SLC24A2: variants seen among roughly 807,000 people sequenced by gnomAD.
The protein encoded by SLC24A2 is sodium/potassium/calcium exchanger 2.
Under a neutral mutation model 62.0 loss-of-function variants are expected in SLC24A2, and 36 were observed. That is an observed-to-expected ratio of 0.58 (90% CI 0.44 to 0.77). The LOEUF (loss-of-function observed/expected upper bound fraction) is 0.77, where lower values mean the gene tolerates loss of function less well. Ranked by LOEUF, SLC24A2 falls within the 30% of genes least tolerant of loss-of-function variation. The pLI is 0.00. For missense variants in SLC24A2, 846 were observed against 817.9 expected, an observed-to-expected ratio of 1.03 and a Z score of -0.42; for synonymous variants, 358 against 294.0, an observed-to-expected ratio of 1.22 and a Z score of -2.23.
the SLC24A2 span, among the ~76,000 whole-genome samples, chr9:20,238,307 A>G: frequency 6.6e-6 from 1 of 152,200 alleles, no homozygotes; most frequent in African/African-American, 2.4e-5. Flanking sequence ...ATGCATGATC[A>G]GGCACCTTTT....
intron 7 of SLC24A2, among the ~76,000 whole-genome samples, chr9:19,568,400 G>A (rs1207299900): frequency 2.0e-5 from 3 of 152,178 alleles, no homozygotes; most frequent in Non-Finnish European, 4.4e-5. Flanking sequence ...CGTTCATACT[G>A]CAGCTCATAC....
the SLC24A2 span, among the ~76,000 whole-genome samples, chr9:20,282,336 G>C: frequency 6.6e-6 from 1 of 152,050 alleles, no homozygotes; most frequent in Non-Finnish European, 1.5e-5. Flanking sequence ...TTGATCTCTG[G>C]CCAGAGAGTG....
the SLC24A2 span, among the ~76,000 whole-genome samples, chr9:20,038,465 G>C: frequency 1.5e-4 from 23 of 152,142 alleles, no homozygotes; most frequent in African/African-American, 5.1e-4. Context: ...CCTAAGCCTG[G>C]AAGCCTGACT....
chr9:20,261,990 G>T, the SLC24A2 span, among the ~76,000 whole-genome samples: 1 of 151,862 alleles, frequency 6.6e-6, no homozygotes, highest in Non-Finnish European at 1.5e-5. Flanking sequence ...CGCCTGCCTC[G>T]GCCTCCCAAA....
chr9:19,979,026 G>C, the SLC24A2 span, among the ~76,000 whole-genome samples: 1 of 152,174 alleles, frequency 6.6e-6, no homozygotes, highest in Non-Finnish European at 1.5e-5. Context: ...TCTTTTTTAA[G>C]TGGTAAATTA....
chr9:19,581,756 T>A (rs1453083059), intron 5 of SLC24A2, among the ~76,000 whole-genome samples: 1 of 152,206 alleles, frequency 6.6e-6, no homozygotes, highest in Non-Finnish European at 1.5e-5. Context: ...CAAATTGCCA[T>A]AAAGGGTGGC....
At chr9:19,623,398 C>G (rs1400254465) in intron 2 of SLC24A2, among the ~76,000 whole-genome samples, 1 of 152,120 alleles carries the variant, frequency 6.6e-6, no homozygotes, top group Admixed American at 6.5e-5. Flanking sequence ...AGTTTTAAAA[C>G]CTTCATGTGC....
At chr9:19,676,174 G>A (rs1234447240) in intron 2 of SLC24A2, among the ~76,000 whole-genome samples, 2 of 152,180 alleles carry the variant, frequency 1.3e-5, no homozygotes, top group African/African-American at 4.8e-5. Context: ...GTTCAGGGGT[G>A]GATGATCCCC....
At chr9:19,827,903 T>C in the SLC24A2 span, among the ~76,000 whole-genome samples, 152 of 152,326 alleles carry the variant, frequency 1.0e-3, 1 homozygote, top group Non-Finnish European at 1.9e-3. Flanking sequence ...TTCCATCAGC[T>C]GAGGCCCTTT....
chr9:20,277,632 A>G, the SLC24A2 span, among the ~76,000 whole-genome samples: 6 of 152,158 alleles, frequency 3.9e-5, no homozygotes, highest in Non-Finnish European at 8.8e-5. Flanking sequence ...CTTTTACACT[A>G]TTGGTGGGAC....
chr9:20,275,535 T>C, the SLC24A2 span, among the ~76,000 whole-genome samples: 1 of 152,210 alleles, frequency 6.6e-6, no homozygotes, highest in African/African-American at 2.4e-5. Flanking sequence ...ACATTCCTCT[T>C]CTTAGACACC....
chr9:20,090,916 T>C, the SLC24A2 span, among the ~76,000 whole-genome samples: 49 of 151,886 alleles, frequency 3.2e-4, no homozygotes, highest in Non-Finnish European at 6.5e-4. Flanking sequence ...ATCATTGAGA[T>C]TCAGGAGAAC....
chr9:20,005,463 C>CATTTCTCTGATGG, the SLC24A2 span, among the ~76,000 whole-genome samples: 7 of 151,814 alleles, frequency 4.6e-5, no homozygotes, highest in Non-Finnish European at 1.5e-5. Flanking sequence ...TGATATTGTA[C>CATTTCTCTGATGG]CCATTTTACA....
the SLC24A2 span, among the ~76,000 whole-genome samples, chr9:20,025,219 C>A: frequency 2.0e-5 from 3 of 152,254 alleles, no homozygotes; most frequent in East Asian, 5.8e-4. Context: ...TTGTGTCCTG[C>A]TGTTTGAAAA....
At chr9:19,803,874 C>T in the SLC24A2 span, among the ~76,000 whole-genome samples, 29 of 151,978 alleles carry the variant, frequency 1.9e-4, no homozygotes, top group African/African-American at 6.5e-4. Flanking sequence ...AATAAAATAA[C>T]TTAATTGAGA....
At chr9:19,689,985 C>A (rs893497314) in intron 2 of SLC24A2, among the ~76,000 whole-genome samples, 1 of 152,066 alleles carries the variant, frequency 6.6e-6, no homozygotes, top group Non-Finnish European at 1.5e-5. Context: ...AGAGCTGGAA[C>A]CTTGATCTTT....
the SLC24A2 span, among the ~76,000 whole-genome samples, chr9:20,001,456 C>T: frequency 6.6e-6 from 1 of 152,220 alleles, no homozygotes; most frequent in East Asian, 1.9e-4. Flanking sequence ...CTGCTTAAAT[C>T]ATTCTCGCCC....
Position 19,771,363 on chromosome 9 carries a change from CAT to C in SLC24A2, c.930+14572_930+14573del, listed in dbSNP as rs939251198. Among the ~76,000 whole-genome samples, 5 of 152,328 alleles carry C rather than the reference CAT, an allele frequency of 3.3e-5. No individual in the cohort carries two copies. In the East Asian group the frequency reaches 5.8e-4, roughly 18 times the overall value. ...CTTGCAGAGCATTAACACGCCAAAA[CAT>C]ATGTTTCCTAAGCCTGTTCTCCCAT... On this transcript the variant is annotated intron_variant, in intron 2 of 10. Coordinates refer to ENST00000341998, the MANE Select transcript of SLC24A2 (RefSeq NM_020344.4).
At chr9:20,019,157 G>GAA in the SLC24A2 span, among the ~76,000 whole-genome samples, 58 of 134,566 alleles carry the variant, frequency 4.3e-4, 1 homozygote, top group African/African-American at 1.1e-3. Context: ...AAGAAAGAAA[G>GAA]AGAGAGAGAC....
Sources: gnomAD v4.1 joint callset for allele counts (sites outside exome capture counted in the v4.1 genomes callset) on GRCh38, gnomAD v4.1.1 for gene constraint, MANE v1.5 for transcripts, NCBI Gene and HGNC (gene_info 2026-07-23, HGNC 2026-07-21) for gene names.